ABLIM1: variants seen among roughly 807,000 people sequenced by gnomAD.
ABLIM1 encodes actin-binding LIM protein 1.
A neutral mutation model predicts 107.0 loss-of-function variants in ABLIM1; 40 were observed. The observed-to-expected ratio is 0.37, with a 90% CI of 0.29 to 0.49. ABLIM1 has a LOEUF of 0.49. Ranked by LOEUF, ABLIM1 falls within the 20% of genes least tolerant of loss-of-function variation. The pLI, the probability that ABLIM1 is intolerant of heterozygous loss-of-function variation, is 0.97. For missense variants in ABLIM1, 857 were observed against 1,008.5 expected, an observed-to-expected ratio of 0.85 and a Z score of 2.04; for synonymous variants, 357 against 357.3, an observed-to-expected ratio of 1.00 and a Z score of 0.01.
upstream of ABLIM1, among the ~76,000 whole-genome samples, chr10:114,769,172 G>GAAAAAAA (rs35691537): frequency 8.6e-5 from 4 of 46,516 alleles, no homozygotes; most frequent in African/African-American, 3.0e-4. Flanking sequence ...TGTCTTCAAT[G>GAAAAAAA]AAAAAAAAAA....
At chr10:114,588,487 C>CTTTTTTTTTTTTTTTTTTT (rs34043960) in intron 2 of ABLIM1, among the ~76,000 whole-genome samples, 13 of 76,548 alleles carry the variant, frequency 1.7e-4, no homozygotes, top group East Asian at 4.4e-4. Context: ...TTCTTTCTTT[C>CTTTTTTTTTTTTTTTTTTT]TTTTTTTTTT....
chr10:114,659,387 T>C (rs148742565), upstream of ABLIM1, among the ~76,000 whole-genome samples: 2,679 of 151,580 alleles, frequency 0.018, 31 homozygotes, highest in Middle Eastern at 0.059. Flanking sequence ...TGTGGTGTCA[T>C]GCATCTGTAG....
intron 2 of ABLIM1, among the ~76,000 whole-genome samples, chr10:114,584,905 CTTG>C (rs879882276): frequency 1.4e-4 from 22 of 152,222 alleles, no homozygotes; most frequent in Non-Finnish European, 2.9e-4. Flanking sequence ...GCACAGTAAA[CTTG>C]TTGTTTAACC....
intron 1 of ABLIM1, among the ~76,000 whole-genome samples, chr10:114,604,383 G>A (rs11815397): frequency 0.041 from 6,230 of 152,250 alleles, 405 homozygotes; most frequent in African/African-American, 0.14. Flanking sequence ...TTCAAGTGCC[G>A]TTCTAAAAGC....
chr10:114,473,887 T>C lies in ABLIM1; in HGVS notation c.1111A>G (p.Thr371Ala). The change falls in exon 9 of 23, where the codon ACT (threonine) becomes GCT (alanine). Residue 371 changes from threonine to alanine, a missense_variant. This residue lies in a region of ABLIM1 where 381 missense variants were observed against 506.9 expected (regional missense o/e 0.75). Transcript: ENST00000533213. ...CAGAAGTAGATACTTACATAGATAG[T>C]ATGACCTGGTGAGCCAGGAATACTG... ...GSSIPGSPGH[T>A]IYAKVDNEIL... 1 of 1,611,566 alleles carries C rather than the reference T, an allele frequency of 6.2e-7. No homozygotes were observed. The highest frequency in any genetic ancestry group is 1.6e-4 in the Middle Eastern group (1 of 6,062).
chr10:114,511,674 G>A (rs546889478), intron 6 of ABLIM1, among the ~76,000 whole-genome samples: 6 of 152,008 alleles, frequency 3.9e-5, no homozygotes, highest in African/African-American at 1.4e-4. Flanking sequence ...CCCTTCTCAT[G>A]TCTTTCTAGA....
intron 4 of ABLIM1, among the ~76,000 whole-genome samples, chr10:114,555,449 G>A (rs1374690994): frequency 6.6e-6 from 1 of 152,116 alleles, no homozygotes; most frequent in Non-Finnish European, 1.5e-5. Context: ...AGGCTTTGAT[G>A]CTTACAGGAC....
intron 2 of ABLIM1, among the ~76,000 whole-genome samples, chr10:114,576,556 CT>C (rs1232797853): frequency 1.3e-5 from 2 of 152,094 alleles, no homozygotes; most frequent in African/African-American, 4.8e-5. Context: ...CAGTAAATTG[CT>C]TTCCTAAGGA....
chr10:114,465,828 C>G lies in ABLIM1; in HGVS notation c.1312-1G>C, dbSNP rs2065033773. The stretch of plus-strand genomic sequence containing the variant: ...TCCGATCCCGAACATCCTGGTACCC[C>G]TGGAAACAAAGTTCAACACATTCAG... On this transcript the variant is annotated splice_acceptor_variant, in intron 11 of 22. Transcript: ENST00000533213. LOFTEE classifies it high-confidence loss of function. 6.2e-7 allele frequency: 1 copy of G among 1,613,910 alleles called. No individual in the cohort carries two copies. The highest frequency in any genetic ancestry group is 8.5e-7 in the Non-Finnish European group (1 of 1,179,978).
intron 1 of ABLIM1, among the ~76,000 whole-genome samples, chr10:114,759,923 G>A (rs2082708783): frequency 6.6e-6 from 1 of 152,102 alleles, no homozygotes; most frequent in Non-Finnish European, 1.5e-5. Context: ...AACTTATATA[G>A]TATATGTAAA....
chr10:114,683,715 C>T (rs1338805734), intron 1 of ABLIM1, among the ~76,000 whole-genome samples: 2 of 152,170 alleles, frequency 1.3e-5, no homozygotes, highest in Non-Finnish European at 2.9e-5. Context: ...CAACCGATCG[C>T]CACAGTCCCT....
intron 6 of ABLIM1, among the ~76,000 whole-genome samples, chr10:114,536,223 CTTTGTTTTTTT>C (rs1185426682): frequency 0.093 from 7,475 of 80,370 alleles, 551 homozygotes; most frequent in African/African-American, 0.23. Context: ...TTCCTTCTTT[CTTTGTTTTTTT>C]TTTTTTTTTT....
intron 2 of ABLIM1, among the ~76,000 whole-genome samples, chr10:114,588,691 G>A (rs1027461157): frequency 1.3e-5 from 2 of 151,604 alleles, no homozygotes; most frequent in African/African-American, 2.4e-5. Flanking sequence ...GAGATGTAGA[G>A]ATGGGGTTTC....
chr10:114,667,721 CATT>C (rs1352950642), intron 1 of ABLIM1, among the ~76,000 whole-genome samples: 1 of 152,198 alleles, frequency 6.6e-6, no homozygotes, highest in Non-Finnish European at 1.5e-5. Context: ...CCATTTCTAT[CATT>C]TTTTGCACAT....
intron 1 of ABLIM1, among the ~76,000 whole-genome samples, chr10:114,722,464 G>A (rs1220367911): frequency 6.6e-6 from 1 of 152,110 alleles, no homozygotes; most frequent in Non-Finnish European, 1.5e-5. Flanking sequence ...AATGAGATTT[G>A]GGTGGAAACA....
At position 114,668,444 on chromosome 10, in the gene ABLIM1, C is replaced by T. The variant is rs112522015; in HGVS notation, c.64+15846G>A. Among the ~76,000 whole-genome samples, 673 of 152,170 alleles carry T rather than the reference C, an allele frequency of 4.4e-3. 7 individuals carry two copies. Among genetic ancestry groups the T allele is most frequent in the African/African-American group, 0.015 (631 of 41,508 alleles). ...GGAGACAGCCCTAATAGAAAAATGG[C>T]CAGAAGAAAAAGGACATGGATACTT... On this transcript the variant is annotated intron_variant, in intron 1 of 23. Transcript: ENST00000369256.
intron 8 of ABLIM1, chr10:114,485,367 C>T (rs766320529): frequency 2.8e-5 from 45 of 1,611,010 alleles, no homozygotes; most frequent in Non-Finnish European, 3.4e-5. Context: ...TGAAGAACGC[C>T]GAATGTTTGG....
intron 1 of ABLIM1, chr10:114,690,643 C>A (rs2081055520): frequency 1.4e-6 from 1 of 711,360 alleles, no homozygotes; most frequent in Non-Finnish European, 2.5e-6. Flanking sequence ...TTGACTATGG[C>A]TGATACTACA....
At chr10:114,757,092 G>C (rs2082646567) in intron 1 of ABLIM1, among the ~76,000 whole-genome samples, 1 of 152,136 alleles carries the variant, frequency 6.6e-6, no homozygotes, top group Non-Finnish European at 1.5e-5. Flanking sequence ...GGAATAATGT[G>C]ATTATGGTTT....
Sources: gnomAD v4.1 joint callset for allele counts (sites outside exome capture counted in the v4.1 genomes callset) on GRCh38, gnomAD v4.1.1 for gene constraint, gnomAD v4.1.1 regional missense constraint, MANE v1.5 for transcripts, NCBI Gene and HGNC (gene_info 2026-07-23, HGNC 2026-07-21) for gene names.